PATJ: variants seen among roughly 807,000 people sequenced by gnomAD.
The protein encoded by PATJ is inaD-like protein.
PATJ carries 190 observed loss-of-function variants against 224.9 expected under a neutral mutation model. The observed-to-expected ratio is 0.84, with a 90% CI of 0.75 to 0.95. The LOEUF (loss-of-function observed/expected upper bound fraction) is 0.95, where lower values mean the gene tolerates loss of function less well. Among genes scored for constraint, PATJ ranks in the 40% least tolerant of loss-of-function variants. The pLI, the probability that PATJ is intolerant of heterozygous loss-of-function variation, is 0.00. For missense variants in PATJ, 2,121 were observed against 2,270.3 expected (o/e 0.93, Z 1.34); for synonymous variants, 769 against 820.3 (o/e 0.94, Z 1.07).
chr1:61,756,067 G>T (rs568137539), intron 1 of PATJ, among the ~76,000 whole-genome samples: 5 of 152,086 alleles, frequency 3.3e-5, no homozygotes, highest in Non-Finnish European at 7.4e-5. Flanking sequence ...TGCTGGGATT[G>T]CAGGCGTGAG....
rs149529825 is a variant in PATJ at position 61,818,627 on chromosome 1, A to T, written c.1684-4318A>T. On this transcript the variant is annotated intron_variant, in intron 14 of 43. Transcript: ENST00000642238. ...GATTCAGAACTAATATTAGGTAGGCATCCTTCAGATTGACAGATTTCATAA... is the reference window on the plus strand; with the variant it reads ...GATTCAGAACTAATATTAGGTAGGCTTCCTTCAGATTGACAGATTTCATAA... Among the ~76,000 whole-genome samples, 3 of 152,364 alleles carry T rather than the reference A, an allele frequency of 2.0e-5. No homozygotes were observed. In the East Asian group the frequency reaches 5.8e-4, roughly 29 times the overall value.
intron 37 of PATJ, among the ~76,000 whole-genome samples, chr1:62,118,313 C>T (rs540283570): frequency 2.6e-4 from 40 of 151,516 alleles, no homozygotes; most frequent in South Asian, 1.7e-3. Flanking sequence ...TATCAACAAA[C>T]GAAACAGTTG....
intron 21 of PATJ, among the ~76,000 whole-genome samples, chr1:61,878,132 T>C (rs1053831313): frequency 2.0e-5 from 3 of 152,210 alleles, no homozygotes; most frequent in Admixed American, 2.0e-4. Context: ...GACTGCTTTT[T>C]CCAGTGTAGC....
At chr1:61,823,475 G>A (rs1420999448) in intron 15 of PATJ, among the ~76,000 whole-genome samples, 2 of 152,154 alleles carry the variant, frequency 1.3e-5, no homozygotes, top group Non-Finnish European at 2.9e-5. Flanking sequence ...TTTTCTCCTT[G>A]GGACTTCTCC....
rs140577144 is a variant in PATJ, at chr1:62,123,154, G to A, written c.5043+96G>A. 58 of 846,232 alleles carry A rather than the reference G, an allele frequency of 6.9e-5. No homozygotes were observed. The African/African-American group carries it at 8.4e-4, about 12-fold the overall frequency. The allele number at this position is 846,232 out of a possible 1,614,324, so 52.4% of individuals were successfully genotyped here. ...CAATACAGTTTATTGGATTGTGAGT[G>A]TGCTCTTTCAAGTTACTGAGATAAA... is the stretch of plus-strand genomic sequence containing the variant. On this transcript the variant is annotated intron_variant, in intron 39 of 43. Coordinates refer to ENST00000642238, the MANE Select transcript of PATJ (RefSeq NM_001350145.3).
chr1:61,841,028 A>G (rs1402526213), intron 17 of PATJ, among the ~76,000 whole-genome samples: 1 of 152,148 alleles, frequency 6.6e-6, no homozygotes, highest in Non-Finnish European at 1.5e-5. Context: ...GCAATATATA[A>G]CTATCAATTT....
chr1:62,072,404 A>G (rs1657576369), intron 31 of PATJ: 1 of 152,194 alleles, frequency 6.6e-6, no homozygotes, highest in South Asian at 2.1e-4. Context: ...TAGTGTAACG[A>G]AAAAGAAAAA....
At chr1:61,997,816 TTTTGTTTTAA>T (rs1645463180) in intron 28 of PATJ, among the ~76,000 whole-genome samples, 4 of 87,958 alleles carry the variant, frequency 4.5e-5, no homozygotes, top group Non-Finnish European at 9.6e-5. Flanking sequence ...TTTTGTTTTG[TTTTGTTTTAA>T]AAAAAAAAAA....
intron 27 of PATJ, among the ~76,000 whole-genome samples, chr1:61,930,128 C>G (rs1675804881): frequency 1.3e-5 from 2 of 152,116 alleles, no homozygotes; most frequent in South Asian, 4.1e-4. Flanking sequence ...TATTACTTTT[C>G]TCTTCATTCA....
At chr1:61,931,363 A>G (rs1478230539) in intron 27 of PATJ, among the ~76,000 whole-genome samples, 1 of 152,242 alleles carries the variant, frequency 6.6e-6, no homozygotes, top group Non-Finnish European at 1.5e-5. Flanking sequence ...AAGTAATAAA[A>G]TTTAAAAATT....
intron 41 of PATJ, among the ~76,000 whole-genome samples, chr1:62,144,796 A>ATATATAT (rs1204098847): frequency 1.4e-5 from 2 of 145,058 alleles, no homozygotes; most frequent in South Asian, 2.2e-4. Context: ...ATATATATAT[A>ATATATAT]ATTAGCAGAA....
chr1:61,879,394 C>A (rs974539025), intron 21 of PATJ, among the ~76,000 whole-genome samples: 4 of 151,842 alleles, frequency 2.6e-5, no homozygotes, highest in Non-Finnish European at 4.4e-5. Context: ...TCCAAAGTGA[C>A]CCTGACGATC....
At chr1:61,862,177 C>CACAT (rs1553182610) in intron 19 of PATJ, among the ~76,000 whole-genome samples, 1 of 150,596 alleles carries the variant, frequency 6.6e-6, no homozygotes, top group African/African-American at 2.4e-5. Flanking sequence ...TGTATATATA[C>CACAT]ATATATATAT....
At chr1:61,952,904 A>G (rs1459834820) in intron 27 of PATJ, among the ~76,000 whole-genome samples, 2 of 152,240 alleles carry the variant, frequency 1.3e-5, no homozygotes, top group Non-Finnish European at 2.9e-5. Flanking sequence ...TGAAAGCAGA[A>G]TATCACTAAG....
intron 5 of PATJ, among the ~76,000 whole-genome samples, chr1:61,770,200 G>A (rs1043450491): frequency 3.3e-5 from 5 of 152,090 alleles, no homozygotes; most frequent in Non-Finnish European, 4.4e-5. Context: ...ATGAGTTTCC[G>A]TGACTTTGCA....
At chr1:61,881,902 G>A (rs1386542382) in intron 21 of PATJ, among the ~76,000 whole-genome samples, 4 of 152,080 alleles carry the variant, frequency 2.6e-5, no homozygotes, top group African/African-American at 9.7e-5. Context: ...CAATAGATGC[G>A]ACTTCCATTC....
chr1:62,099,615 T>C (rs751166917), intron 33 of PATJ, among the ~76,000 whole-genome samples: 8 of 152,078 alleles, frequency 5.3e-5, no homozygotes, highest in Non-Finnish European at 1.0e-4. Flanking sequence ...GTGATCAAAT[T>C]AAGTAAAACA....
At chr1:62,106,063 A>AAAT (rs34767684) in intron 33 of PATJ, among the ~76,000 whole-genome samples, 495 of 39,654 alleles carry the variant, frequency 0.012, 73 homozygotes, top group Non-Finnish European at 0.017. Context: ...AAAAAAAAAA[A>AAAT]ATATATATAT....
Position 62,161,233 on chromosome 1 carries a change from T to A in PATJ, c.*179T>A. ...TGAATTTCCCAAATCAACAATCATCTCCTAATGTTTCCCAGTTCCTGTCAC... is the reference window on the plus strand; with the variant it reads ...TGAATTTCCCAAATCAACAATCATCACCTAATGTTTCCCAGTTCCTGTCAC... On this transcript the variant is annotated 3_prime_UTR_variant, in exon 44 of 44. Transcript: ENST00000642238. The A allele has an allele frequency of 2.3e-6, 1 of 431,698 alleles. No individual in the cohort carries two copies. The highest frequency in any genetic ancestry group is 3.5e-5 in the East Asian group (1 of 28,872). 26.7% of individuals were successfully genotyped at this position (431,698 alleles called of 1,614,324 possible). A position where few individuals can be genotyped will look rare whatever the true frequency, so the allele number is the denominator to read the frequency against.
Sources: allele counts gnomAD v4.1 joint callset (sites outside exome capture counted in the v4.1 genomes callset), GRCh38; gene constraint gnomAD v4.1.1; transcripts MANE v1.5; gene names NCBI Gene and HGNC (gene_info 2026-07-23, HGNC 2026-07-21).